Variants in E2F7 observed in about 807,000 individuals in gnomAD.
E2F7 encodes transcription factor E2F7.
A neutral mutation model predicts 81.1 loss-of-function variants in E2F7; 35 were observed. That is an observed-to-expected ratio of 0.43 (90% CI 0.33 to 0.57). E2F7 has a LOEUF of 0.57. Ranked by LOEUF, E2F7 falls within the 20% of genes least tolerant of loss-of-function variation. The pLI is 0.04. For synonymous variants in E2F7, 416 were observed against 416.2 expected (o/e 1.00, Z 0.01); for missense variants, 961 against 1,093.7 (o/e 0.88, Z 1.71).
chr12:77,042,200 C>T (rs1320079235), intron 7 of E2F7, among the ~76,000 whole-genome samples: 1 of 152,160 alleles, frequency 6.6e-6, no homozygotes, highest in Non-Finnish European at 1.5e-5. Context: ...TCTCTCAGGG[C>T]CCTTAATATA....
At chr12:77,024,896 TC>T (rs2120606332) in intron 12 of E2F7, among the ~76,000 whole-genome samples, 1 of 152,214 alleles carries the variant, frequency 6.6e-6, no homozygotes, top group East Asian at 1.9e-4. Flanking sequence ...GAGTAAGTAA[TC>T]ACTGTGAACA....
At position 77,029,963 on chromosome 12, in the gene E2F7, T is replaced by C; in HGVS notation, c.1752A>G (p.Val584=). Residue 584 remains valine (V), a synonymous_variant, in exon 10 of 13, where the codon GTA becomes GTG. Transcript: ENST00000322886. ...GAGCTGAGGGTGCAGATGACAGCTC[T>C]ACTGTGGCTGGGGCTTCTGAGCTTC... ...DDRSSEAPAT[V]ELSSAPSAQK... 6.2e-7 allele frequency: 1 copy of C among 1,614,242 alleles called. No homozygotes were observed.
intron 10 of E2F7, among the ~76,000 whole-genome samples, chr12:77,028,765 G>A (rs1464295448): frequency 3.3e-5 from 5 of 152,170 alleles, no homozygotes; most frequent in Non-Finnish European, 5.9e-5. Context: ...AAGCCACCGC[G>A]CCCGGCTGGG....
chr12:77,042,422 T>C (rs2120687530), intron 7 of E2F7, among the ~76,000 whole-genome samples: 1 of 152,342 alleles, frequency 6.6e-6, no homozygotes, highest in African/African-American at 2.4e-5. Context: ...AATGGCTTTT[T>C]CCCAGGCAGT....
chr12:77,044,835 T>A (rs775262912), intron 5 of E2F7, 40 bp from the exon 6 acceptor site: 2 of 1,598,310 alleles, frequency 1.3e-6, no homozygotes, highest in Admixed American at 1.7e-5. Context: ...AGTATATGAT[T>A]TTCTACAAGA....
chr12:77,051,581 A>G (rs185522797), intron 3 of E2F7, among the ~76,000 whole-genome samples: 2 of 152,324 alleles, frequency 1.3e-5, no homozygotes, highest in African/African-American at 2.4e-5. Context: ...GGACATGTAT[A>G]CATATGTAAC....
At chr12:77,040,832 G>A (rs1954888062) in intron 7 of E2F7, among the ~76,000 whole-genome samples, 1 of 152,074 alleles carries the variant, frequency 6.6e-6, no homozygotes, top group African/African-American at 2.4e-5. Context: ...GCCATTTATT[G>A]CATATCAATG....
intron 6 of E2F7, among the ~76,000 whole-genome samples, chr12:77,043,533 A>C (rs1270246693): frequency 6.6e-6 from 1 of 152,088 alleles, no homozygotes; most frequent in Non-Finnish European, 1.5e-5. Context: ...TAATTCTGAC[A>C]TGGCACGTCA....
chr12:77,064,674 T>C, intron 1 of E2F7, 39 bp from the exon 2 acceptor site: 1 of 1,575,008 alleles, frequency 6.3e-7, no homozygotes, highest in East Asian at 2.2e-5. Context: ...ATTTTGCAAT[T>C]AGGTATTTTT....
intron 12 of E2F7, among the ~76,000 whole-genome samples, chr12:77,024,747 T>C (rs1954744536): frequency 6.6e-6 from 1 of 152,234 alleles, no homozygotes; most frequent in Non-Finnish European, 1.5e-5. Context: ...GCCTGGCACA[T>C]GGTGATAGAA....
chr12:77,060,826 C>A (rs1310041866), intron 2 of E2F7, among the ~76,000 whole-genome samples: 1 of 152,160 alleles, frequency 6.6e-6, no homozygotes, highest in African/African-American at 2.4e-5. Context: ...TGAGGGTTTC[C>A]CCTGCCTACC....
In E2F7 at chr12:77,023,707, T is replaced by G; in HGVS notation, c.*308A>C. 4.1e-6 allele frequency: 1 copy of G among 245,708 alleles called. No homozygotes were observed. 15.2% of individuals were successfully genotyped at this position (245,708 alleles called of 1,614,324 possible). On this transcript the variant is annotated 3_prime_UTR_variant, in exon 13 of 13. Coordinates refer to ENST00000322886, the MANE Select transcript of E2F7 (RefSeq NM_203394.3). The stretch of plus-strand genomic sequence containing the variant: ...GTTAAGTGCTAGACAGCGCCCCCCT[T>G]TAGAAAAACAAGGCTCCGGTAGCCT...
intron 4 of E2F7, among the ~76,000 whole-genome samples, chr12:77,047,797 C>T (rs1057333273): frequency 7.2e-5 from 11 of 152,182 alleles, no homozygotes; most frequent in South Asian, 2.1e-4. Context: ...AGATGCCTGC[C>T]GGAAGGTGCT....
At position 77,030,356 on chromosome 12, in the gene E2F7, G is replaced by A. The variant is rs113254062; in HGVS notation, c.1383-24C>T. On this transcript the variant is annotated intron_variant, in intron 9 of 12. Transcript: ENST00000322886. ...CCCTATAATAAAAAAGAAACGTAAC[G>A]AAGTTAGCACATTCTACCAACTCCT... The A allele has an allele frequency of 9.2e-6, 14 of 1,517,446 alleles. No homozygotes were observed. In the South Asian group the frequency reaches 9.3e-5, roughly 10 times the overall value. 94.0% of individuals were successfully genotyped at this position (1,517,446 alleles called of 1,614,324 possible). A position where few individuals can be genotyped will look rare whatever the true frequency, so the allele number is the denominator to read the frequency against.
In E2F7 at chr12:77,024,195, G is replaced by T; in HGVS notation, c.2566-10C>A. ...TCACTGGAACTGGTGACTGAAAAAA[G>T]AAAAAAGAAAAAACAGAAGTGAAGT... On this transcript the variant is annotated splice_polypyrimidine_tract_variant and intron_variant, in intron 12 of 12. Transcript: ENST00000322886. 3 of 1,602,890 alleles carry T rather than the reference G, an allele frequency of 1.9e-6. No homozygotes were observed. The South Asian group carries it at 3.4e-5, about 18-fold the overall frequency.
intron 3 of E2F7, among the ~76,000 whole-genome samples, chr12:77,053,177 C>G (rs1031833230): frequency 1.3e-5 from 2 of 152,142 alleles, no homozygotes; most frequent in African/African-American, 2.4e-5. Flanking sequence ...AGTTCTCAAA[C>G]TTTTTGCTCC....
intron 12 of E2F7, among the ~76,000 whole-genome samples, chr12:77,025,199 A>G (rs1954747627): frequency 6.6e-6 from 1 of 152,216 alleles, no homozygotes; most frequent in Non-Finnish European, 1.5e-5. Flanking sequence ...CTGTATAATT[A>G]AAATTTAGGG....
chr12:77,040,380 A>G (rs1316157917), intron 7 of E2F7, among the ~76,000 whole-genome samples: 1 of 152,208 alleles, frequency 6.6e-6, no homozygotes, highest in Non-Finnish European at 1.5e-5. Context: ...AAGACTGCAA[A>G]CAGAATGCTG....
intron 7 of E2F7, among the ~76,000 whole-genome samples, chr12:77,040,350 T>G (rs894339326): frequency 2.0e-5 from 3 of 151,986 alleles, no homozygotes; most frequent in Non-Finnish European, 4.4e-5. Flanking sequence ...AGCACAAAAA[T>G]GTGAAAAAGT....
Sources: allele counts gnomAD v4.1 joint callset (sites outside exome capture counted in the v4.1 genomes callset), GRCh38; gene constraint gnomAD v4.1.1; transcripts MANE v1.5; gene names NCBI Gene and HGNC (gene_info 2026-07-23, HGNC 2026-07-21).